Variants in PRKAR1A observed in about 807,000 individuals in gnomAD.
PRKAR1A encodes protein kinase cAMP-dependent type I regulatory subunit alpha, also known as cAMP-dependent protein kinase type I-alpha regulatory subunit.
A neutral mutation model predicts 52.0 loss-of-function variants in PRKAR1A; 3 were observed. That is an observed-to-expected ratio of 0.06 (90% CI 0.03 to 0.15). PRKAR1A has a LOEUF of 0.15. PRKAR1A is among the 10% of genes least tolerant of loss of function. The probability of loss-of-function intolerance (pLI) is 1.00; values close to 1 mark genes in which losing one functional copy is unlikely to be tolerated. For missense variants in PRKAR1A, 240 were observed against 477.4 expected, an observed-to-expected ratio of 0.50 and a Z score of 4.63; for synonymous variants, 188 against 168.4, an observed-to-expected ratio of 1.12 and a Z score of -0.90.
intron 2 of PRKAR1A, among the ~76,000 whole-genome samples, chr17:68,519,511 C>T (rs1248897847): frequency 2.0e-5 from 3 of 152,210 alleles, no homozygotes; most frequent in African/African-American, 4.8e-5. Flanking sequence ...CACCAGGTCC[C>T]TCCCACAATA....
chr17:68,457,562 C>CCGTCCCCGCCG, the PRKAR1A span: 1 of 174,468 alleles, frequency 5.7e-6, no homozygotes, highest in African/African-American at 1.4e-4. Flanking sequence ...CTACCCCGCC[C>CCGTCCCCGCCG]CGTCCCCACC....
At chr17:68,538,246 T>C (rs1407127172), downstream of PRKAR1A, among the ~76,000 whole-genome samples, 1 of 152,230 alleles carries the variant, frequency 6.6e-6, no homozygotes, top group African/African-American at 2.4e-5. Flanking sequence ...TTTCAGTTTC[T>C]TTTTATGTGG....
At chr17:68,505,943 G>A in the PRKAR1A span, among the ~76,000 whole-genome samples, 2 of 152,292 alleles carry the variant, frequency 1.3e-5, no homozygotes, top group Admixed American at 6.5e-5. Context: ...GGAACTCTCT[G>A]TATTTTCTGC....
At chr17:68,419,796 G>GAA in the PRKAR1A span, among the ~76,000 whole-genome samples, 6,097 of 137,216 alleles carry the variant, frequency 0.044, 308 homozygotes, top group East Asian at 0.16. Flanking sequence ...CCTGTCTCTG[G>GAA]AAAAAAAAAA....
chr17:68,429,743 C>T, the PRKAR1A span, among the ~76,000 whole-genome samples: 12 of 152,286 alleles, frequency 7.9e-5, no homozygotes, highest in South Asian at 2.1e-4. Context: ...CACGCACCAC[C>T]ATACCCGGCT....
intron 11 of PRKAR1A, chr17:68,542,546 A>T: frequency 1.4e-6 from 1 of 719,084 alleles, no homozygotes; most frequent in Admixed American, 2.0e-5. Flanking sequence ...CAGGCAGACC[A>T]TGGTGGGAGT....
the PRKAR1A span, among the ~76,000 whole-genome samples, chr17:68,474,451 C>T: frequency 0.02 from 3,118 of 152,266 alleles, 94 homozygotes; most frequent in African/African-American, 0.07. Context: ...GCCCCGGGGG[C>T]CCGCTTGATC....
chr17:68,550,980 T>G, intron 11 of PRKAR1A: 1 of 1,028,636 alleles, frequency 9.7e-7, no homozygotes, highest in Non-Finnish European at 1.2e-6. Context: ...GCTGAAGGTT[T>G]GGAATCTGCC....
chr17:68,430,198 G>T, the PRKAR1A span: 3 of 1,577,006 alleles, frequency 1.9e-6, no homozygotes, highest in African/African-American at 1.4e-5. Flanking sequence ...GGACTGGGCT[G>T]CAGGCCCCAC....
At chr17:68,430,292 GC>G in the PRKAR1A span, 1 of 856,138 alleles carries the variant, frequency 1.2e-6, no homozygotes, top group Non-Finnish European at 1.8e-6. Context: ...ATAATGTTCT[GC>G]CCACTGAGAA....
chr17:68,542,229 G>T, intron 11 of PRKAR1A: 1 of 1,568,966 alleles, frequency 6.4e-7, no homozygotes, highest in East Asian at 2.3e-5. Flanking sequence ...CATCTTCCTG[G>T]CCTAGGAAAT....
intron 11 of PRKAR1A, among the ~76,000 whole-genome samples, chr17:68,549,433 G>A (rs1012180875): frequency 6.6e-6 from 1 of 151,394 alleles, no homozygotes; most frequent in Non-Finnish European, 1.5e-5. Context: ...GGCCGAGGTT[G>A]CAGTGAGCCG....
intron 11 of PRKAR1A, among the ~76,000 whole-genome samples, chr17:68,546,810 A>G (rs1401742652): frequency 1.5e-5 from 2 of 137,412 alleles, no homozygotes; most frequent in Non-Finnish European, 3.1e-5. Context: ...AGCCTGGGCG[A>G]GAGTGCGAGA....
At chr17:68,431,398 T>C in the PRKAR1A span, among the ~76,000 whole-genome samples, 8 of 151,676 alleles carry the variant, frequency 5.3e-5, no homozygotes, top group African/African-American at 1.5e-4. Context: ...CGCATACTGT[T>C]TTATGGGATG....
At chr17:68,416,771 C>A in the PRKAR1A span, among the ~76,000 whole-genome samples, 1 of 142,244 alleles carries the variant, frequency 7.0e-6, no homozygotes, top group Admixed American at 7.7e-5. Context: ...CTGAGACTTT[C>A]CAGAGCATTT....
the PRKAR1A span, among the ~76,000 whole-genome samples, chr17:68,416,507 C>T: frequency 6.6e-6 from 1 of 152,080 alleles, no homozygotes; most frequent in South Asian, 2.1e-4. Context: ...ATTTGGATGT[C>T]TAGGTTTCTA....
chr17:68,426,251 G>GGGGGGGGA, the PRKAR1A span: 3 of 825,460 alleles, frequency 3.6e-6, 1 homozygote, highest in Non-Finnish European at 5.8e-6. Context: ...GTGGGGAGCG[G>GGGGGGGGA]GGGCTCAAAT....
At chr17:68,546,804 TGGGCGAGA>T (rs1393003359) in intron 11 of PRKAR1A, among the ~76,000 whole-genome samples, 6 of 129,070 alleles carry the variant, frequency 4.6e-5, no homozygotes, top group Non-Finnish European at 9.3e-5. Flanking sequence ...GACTCCAGCC[TGGGCGAGA>T]GTGCGAGACT....
At chr17:68,423,874 A>G in the PRKAR1A span, among the ~76,000 whole-genome samples, 1 of 152,258 alleles carries the variant, frequency 6.6e-6, no homozygotes, top group East Asian at 1.9e-4. This position sits in a 1 kb window ranked among gnomAD's most constrained non-coding sequence, Gnocchi z 4.4. Context: ...GCTTACTGCG[A>G]TTACAATTAA....
Sources: gnomAD v4.1 joint callset for allele counts (sites outside exome capture counted in the v4.1 genomes callset) on GRCh38, gnomAD v4.1.1 for gene constraint, Gnocchi (gnomAD v3.1) non-coding constraint, MANE v1.5 for transcripts, NCBI Gene and HGNC (gene_info 2026-07-23, HGNC 2026-07-21) for gene names.